MACROD2: variants seen among roughly 807,000 people sequenced by gnomAD.
MACROD2 encodes mono-ADP ribosylhydrolase 2, also known as ADP-ribose glycohydrolase MACROD2.
In MACROD2, 36 loss-of-function variants were observed where a neutral mutation model predicts 70.4. That is an observed-to-expected ratio of 0.51 (90% CI 0.39 to 0.68). The LOEUF (loss-of-function observed/expected upper bound fraction) is 0.68, where lower values mean the gene tolerates loss of function less well. MACROD2 is among the 30% of genes least tolerant of loss of function. MACROD2 has a pLI of 0.00. For missense variants in MACROD2, 496 were observed against 538.4 expected (o/e 0.92, Z 0.78); for synonymous variants, 172 against 178.8 (o/e 0.96, Z 0.30).
At chr20:15,564,285 C>T (rs777826751) in intron 8 of MACROD2, among the ~76,000 whole-genome samples, 11 of 152,158 alleles carry the variant, frequency 7.2e-5, no homozygotes, top group Non-Finnish European at 1.0e-4. Context: ...TGCTACCCGA[C>T]GTAACACTGG....
At chr20:14,855,414 T>C (rs1400104679) in intron 5 of MACROD2, among the ~76,000 whole-genome samples, 1 of 152,108 alleles carries the variant, frequency 6.6e-6, no homozygotes, top group African/African-American at 2.4e-5. Flanking sequence ...CGGGGGAAGG[T>C]CCCTGAAGCT....
chr20:14,322,924 A>AT (rs1299566713), intron 3 of MACROD2: 2 of 152,194 alleles, frequency 1.3e-5, no homozygotes, highest in African/African-American at 2.4e-5. Flanking sequence ...TTTTAATTGC[A>AT]TACCTAAGTG....
At chr20:15,902,705 G>T (rs1195429367) in intron 10 of MACROD2, among the ~76,000 whole-genome samples, 2 of 152,142 alleles carry the variant, frequency 1.3e-5, no homozygotes, top group Non-Finnish European at 2.9e-5. Context: ...ATGGCAAGGA[G>T]CTGAGGCCCC....
At chr20:14,597,562 G>C (rs1487082672) in intron 4 of MACROD2, among the ~76,000 whole-genome samples, 1 of 152,012 alleles carries the variant, frequency 6.6e-6, no homozygotes. Flanking sequence ...TAAGAAACTG[G>C]CTTATCCAAC....
intron 7 of MACROD2, among the ~76,000 whole-genome samples, chr20:15,469,583 G>T (rs1387101877): frequency 1.3e-5 from 2 of 152,150 alleles, no homozygotes; most frequent in African/African-American, 2.4e-5. Flanking sequence ...AGAGGAGGGG[G>T]AGAGAAATCC....
chr20:14,489,463 C>T lies in MACROD2; in HGVS notation c.272-4016C>T, dbSNP rs572157603. 3.9e-5 allele frequency among the ~76,000 whole-genome samples: 6 copies of T among 152,244 alleles called. No individual in the cohort carries two copies. The East Asian group carries it at 1.2e-3, about 29-fold the overall frequency. On this transcript the variant is annotated intron_variant, in intron 3 of 17. Transcript: ENST00000684519. Reference sequence around the variant, plus strand: ...CAAACTCTAGGGAATATAATGTATGCCATTCTGAAAGGTGGTATTTCAGCT... The same window carrying T: ...CAAACTCTAGGGAATATAATGTATGTCATTCTGAAAGGTGGTATTTCAGCT...
chr20:15,672,348 T>TACACAC (rs3071295), intron 8 of MACROD2, among the ~76,000 whole-genome samples: 11,707 of 141,818 alleles, frequency 0.083, 535 homozygotes, highest in South Asian at 0.15. Context: ...TGTTCTATTT[T>TACACAC]ACACACACAC....
chr20:14,311,800 G>A (rs1044484173), intron 3 of MACROD2, among the ~76,000 whole-genome samples: 5 of 152,140 alleles, frequency 3.3e-5, no homozygotes, highest in African/African-American at 1.2e-4. Flanking sequence ...TTACAGGCGT[G>A]AGCCACCGCA....
intron 4 of MACROD2, among the ~76,000 whole-genome samples, chr20:14,617,468 A>G (rs572469829): frequency 3.9e-5 from 6 of 152,224 alleles, no homozygotes; most frequent in African/African-American, 1.2e-4. Context: ...TGCCTGCTCT[A>G]TGGGTAAACA....
At chr20:15,520,055 A>C (rs1007082269) in intron 8 of MACROD2, among the ~76,000 whole-genome samples, 1 of 152,240 alleles carries the variant, frequency 6.6e-6, no homozygotes, top group East Asian at 1.9e-4. Context: ...AATTCCAACA[A>C]ATAAAATGAG....
chr20:14,308,449 G>A (rs532721212), intron 3 of MACROD2, among the ~76,000 whole-genome samples: 1 of 152,200 alleles, frequency 6.6e-6, no homozygotes, highest in South Asian at 2.1e-4. Flanking sequence ...GCCTTTCTGT[G>A]AGGGTGTTAT....
chr20:14,316,635 TCTC>T (rs537768431), intron 3 of MACROD2, among the ~76,000 whole-genome samples: 4 of 152,328 alleles, frequency 2.6e-5, no homozygotes, highest in Admixed American at 2.6e-4. Flanking sequence ...TCAAGACAAT[TCTC>T]CTTCTTCCAA....
At chr20:16,049,099 AG>A (rs2067422893) in intron 17 of MACROD2, among the ~76,000 whole-genome samples, 1 of 152,160 alleles carries the variant, frequency 6.6e-6, no homozygotes, top group South Asian at 2.1e-4. Flanking sequence ...GTCCTAGGGC[AG>A]AAAAAAACTA....
At chr20:15,960,107 C>G (rs2066038348) in intron 12 of MACROD2, among the ~76,000 whole-genome samples, 1 of 152,162 alleles carries the variant, frequency 6.6e-6, no homozygotes, top group South Asian at 2.1e-4. Flanking sequence ...AGTAGCCATC[C>G]ACTCAAAGAG....
intron 6 of MACROD2, among the ~76,000 whole-genome samples, chr20:15,382,880 G>C (rs575934341): frequency 6.6e-6 from 1 of 152,250 alleles, no homozygotes; most frequent in African/African-American, 2.4e-5. Context: ...GGGTTGAAAA[G>C]TTTTCTGAGA....
At chr20:15,628,355 A>AT (rs1419940371) in intron 8 of MACROD2, among the ~76,000 whole-genome samples, 2 of 152,234 alleles carry the variant, frequency 1.3e-5, no homozygotes, top group African/African-American at 4.8e-5. Flanking sequence ...AGCTGAGGCC[A>AT]TATTGCTAGC....
chr20:15,380,694 G>A (rs2045631297), intron 6 of MACROD2, among the ~76,000 whole-genome samples: 1 of 152,096 alleles, frequency 6.6e-6, no homozygotes, highest in Non-Finnish European at 1.5e-5. Flanking sequence ...AATTAGCCAT[G>A]ATGGAACTGT....
intron 5 of MACROD2, among the ~76,000 whole-genome samples, chr20:14,965,222 T>G (rs1382116300): frequency 6.6e-6 from 1 of 152,172 alleles, no homozygotes; most frequent in Non-Finnish European, 1.5e-5. Context: ...TGTTCTATCC[T>G]CTTCCGTCTT....
intron 5 of MACROD2, among the ~76,000 whole-genome samples, chr20:14,778,642 A>G (rs1048762708): frequency 1.3e-5 from 2 of 152,104 alleles, no homozygotes; most frequent in Non-Finnish European, 2.9e-5. Context: ...TTGGAATCAC[A>G]TCGGAGCCAT....
Sources: gnomAD v4.1 joint callset for allele counts (sites outside exome capture counted in the v4.1 genomes callset) on GRCh38, gnomAD v4.1.1 for gene constraint, MANE v1.5 for transcripts, NCBI Gene and HGNC (gene_info 2026-07-23, HGNC 2026-07-21) for gene names.